Variants in B3GNT8 observed in about 807,000 individuals in gnomAD.
B3GNT8 encodes UDP-GlcNAc:betaGal beta-1,3-N-acetylglucosaminyltransferase 8.
For synonymous variants in B3GNT8, 258 were observed against 238.3 expected (o/e 1.08, Z -0.76); for missense variants, 502 against 530.5 (o/e 0.95, Z 0.53).
In B3GNT8 at chr19:41,425,662, G is replaced by T. The variant is rs1480679266; in HGVS notation, c.1117C>A (p.Leu373Met). Residue 373 changes from leucine to methionine, a missense_variant, in exon 2 of 2, where the codon CTG becomes ATG. Leu to Met is a conservative substitution (Grantham distance 15). Transcript: ENST00000691102. The stretch of plus-strand genomic sequence containing the variant: ...TGGGGGCCCAGGGGCCGTACCAGCA[G>T]CAGGTTGCGGAAAGCACAGTGGTCC... ...TADHCAFRNL[L>M]LVRPLGPQAS... 3 of 1,525,438 alleles carry T rather than the reference G, an allele frequency of 2.0e-6. No homozygotes were observed. The highest frequency in any genetic ancestry group is 2.6e-6 in the Non-Finnish European group (3 of 1,137,654). The allele number at this position is 1,525,438 out of a possible 1,614,324, so 94.5% of individuals were successfully genotyped here. A position where few individuals can be genotyped will look rare whatever the true frequency, so the allele number is the denominator to read the frequency against.
rs558152812 is a variant in B3GNT8, at chr19:41,425,626, G to A, written c.1153C>T (p.Arg385Trp). The A allele has an allele frequency of 4.1e-5, 62 of 1,515,092 alleles. No homozygotes were observed. The Middle Eastern group carries it at 5.4e-4, about 13-fold the overall frequency. The allele number at this position is 1,515,092 out of a possible 1,614,324, so 93.9% of individuals were successfully genotyped here. A position where few individuals can be genotyped will look rare whatever the true frequency, so the allele number is the denominator to read the frequency against. ...VRPLGPQASI[R>W]LWKQLQDPRL... is the part of the protein sequence containing the mutation. ...GGGTCTTGCAGTTGTTTCCAGAGCC[G>A]AATGCTGGCCTGGGGGCCCAGGGGC... Residue 385 changes from arginine (R) to tryptophan (W), a missense_variant, in exon 2 of 2, where the codon CGG (arginine) becomes TGG (tryptophan). By Grantham distance (101) the Arg-to-Trp change is moderately radical. Coordinates refer to ENST00000691102, the MANE Select transcript of B3GNT8 (RefSeq NM_001385648.2).
At position 41,426,859 on chromosome 19, in the gene B3GNT8, T is replaced by G; in HGVS notation, c.-32-49A>C. ...CACGGAGGCCATTGGGGTGTGGGGA[T>G]GGGCCTCCAGAGAGGGCCCAGCCAG... On this transcript the variant is annotated intron_variant, in intron 1 of 1. Transcript: ENST00000691102. This position sits in a 1 kb window ranked among gnomAD's most constrained non-coding sequence, Gnocchi z 4.9. 2 of 1,445,684 alleles carry G rather than the reference T, an allele frequency of 1.4e-6. No homozygotes were observed. The highest frequency in any genetic ancestry group is 1.9e-6 in the Non-Finnish European group (2 of 1,056,550). 89.6% of individuals were successfully genotyped at this position (1,445,684 alleles called of 1,614,324 possible).
chr19:41,426,911 C>T lies in B3GNT8; in HGVS notation c.-32-101G>A, dbSNP rs2039444081. ...CCCCAGGCAGACAGCTTCACAATCT[C>T]CCATAGTCCCCGCCAACCCCCATAA... On this transcript the variant is annotated intron_variant, in intron 1 of 1. Coordinates refer to ENST00000691102, the MANE Select transcript of B3GNT8 (RefSeq NM_001385648.2). This position sits in a 1 kb window ranked among gnomAD's most constrained non-coding sequence, Gnocchi z 4.9. 1.1e-6 allele frequency: 1 copy of T among 876,676 alleles called. No individual in the cohort carries two copies. The allele number at this position is 876,676 out of a possible 1,614,324, so 54.3% of individuals were successfully genotyped here. A position where few individuals can be genotyped will look rare whatever the true frequency, so the allele number is the denominator to read the frequency against.
At position 41,426,603 on chromosome 19, in the gene B3GNT8, G is replaced by T; in HGVS notation, c.176C>A (p.Ser59Tyr). The change falls in exon 2 of 2, where the codon TCC becomes TAC. Residue 59 changes from serine to tyrosine, a missense_variant. Physicochemically the swap from Ser to Tyr is moderately radical, Grantham distance 144. Transcript: ENST00000691102. This position sits in a 1 kb window ranked among gnomAD's most constrained non-coding sequence, Gnocchi z 4.9. ...CGGGATAGTCTGGCCCAGGCGGGTG[G>T]AGAGGTTGGCAGGTAGGGTGGGCTC... ...NPEPTLPANL[S>Y]TRLGQTIPLP... 6.2e-7 allele frequency: 1 copy of T among 1,611,226 alleles called. No individual in the cohort carries two copies. Among genetic ancestry groups the T allele is most frequent in the Non-Finnish European group, 8.5e-7 (1 of 1,178,780 alleles).
rs1404190585 is a variant in B3GNT8 at position 41,426,203 on chromosome 19, C to T, written c.576G>A (p.Gly192=). ...FLLGSPVGEA[G]PDLDSLVAWE... ...AGGCCACTAGTGAGTCTAGGTCAGG[C>T]CCCGCCTCACCCACCGGAGACCCTA... The change falls in exon 2 of 2, where the codon GGG becomes GGA. Residue 192 remains glycine, a synonymous_variant. Coordinates refer to ENST00000691102, the MANE Select transcript of B3GNT8 (RefSeq NM_001385648.2). This position sits in a 1 kb window ranked among gnomAD's most constrained non-coding sequence, Gnocchi z 4.9. 1.2e-6 allele frequency: 2 copies of T among 1,613,560 alleles called. No homozygotes were observed. Among genetic ancestry groups the T allele is most frequent in the African/African-American group, 1.3e-5 (1 of 74,910 alleles).
At chr19:41,428,073 C>T (rs1328563887), upstream of B3GNT8, among the ~76,000 whole-genome samples, 6 of 151,086 alleles carry the variant, frequency 4.0e-5, no homozygotes, top group Admixed American at 6.6e-5. This position sits in a 1 kb window ranked among gnomAD's most constrained non-coding sequence, Gnocchi z 6.1. Context: ...TAAGGGGTTG[C>T]GGAAGCCCTG....
At position 41,426,955 on chromosome 19, in the gene B3GNT8, G is replaced by T; in HGVS notation, c.-32-145C>A. On this transcript the variant is annotated intron_variant, in intron 1 of 1. Coordinates refer to ENST00000691102, the MANE Select transcript of B3GNT8 (RefSeq NM_001385648.2). The surrounding 1 kb of genome is among the most constrained non-coding windows in gnomAD (Gnocchi z 4.9). The stretch of plus-strand genomic sequence containing the variant: ...CCCATAACAGATTCTCTCGGTCCCA[G>T]ATCCTAAACAGCTCCCCTGACCCAG... 1.4e-6 allele frequency: 1 copy of T among 695,406 alleles called. No homozygotes were observed. The highest frequency in any genetic ancestry group is 2.4e-6 in the Non-Finnish European group (1 of 413,566). The allele number at this position is 695,406 out of a possible 1,614,324, so 43.1% of individuals were successfully genotyped here.
chr19:41,425,670 C>T lies in B3GNT8; in HGVS notation c.1109G>A (p.Arg370His), dbSNP rs768303766. 9.2e-6 allele frequency: 14 copies of T among 1,528,206 alleles called. No homozygotes were observed. Among genetic ancestry groups the T allele is most frequent in the South Asian group, 2.6e-5 (2 of 78,218 alleles). 94.7% of individuals were successfully genotyped at this position (1,528,206 alleles called of 1,614,324 possible). Reference sequence around the variant, plus strand: ...CAGGGGCCGTACCAGCAGCAGGTTGCGGAAAGCACAGTGGTCCGCAGTGCG... The same window carrying T: ...CAGGGGCCGTACCAGCAGCAGGTTGTGGAAAGCACAGTGGTCCGCAGTGCG... ...ADRTADHCAF[R>H]NLLLVRPLGP... Residue 370 changes from arginine (R) to histidine (H), a missense_variant, in exon 2 of 2, where the codon CGC becomes CAC. By Grantham distance (29) the Arg-to-His change is conservative. Coordinates refer to ENST00000691102, the MANE Select transcript of B3GNT8 (RefSeq NM_001385648.2).
upstream of B3GNT8, among the ~76,000 whole-genome samples, chr19:41,428,281 C>A (rs1401783808): frequency 1.3e-5 from 2 of 151,210 alleles, no homozygotes; most frequent in Non-Finnish European, 2.9e-5. The surrounding 1 kb of genome is among the most constrained non-coding windows in gnomAD (Gnocchi z 6.1). Context: ...CTAAGCTGAT[C>A]CCCTGTACCT....
Position 41,425,818 on chromosome 19 carries a change from G to A in B3GNT8, c.961C>T (p.Leu321=), listed in dbSNP as rs761209417. The A allele has an allele frequency of 1.2e-6, 2 of 1,612,844 alleles. No homozygotes were observed. Among genetic ancestry groups the A allele is most frequent in the African/African-American group, 2.7e-5 (2 of 74,924 alleles). Residue 321 remains leucine, a synonymous_variant, in exon 2 of 2, where the codon CTG becomes TTG. Transcript: ENST00000691102. ...VIAGRLAPWL[L]RAAARVAPFP... ...GGTGCCACACGGGCTGCCGCCCGCA[G>A]CAGCCAGGGTGCCAGGCGCCCGGCA...
Position 41,425,694 on chromosome 19 carries a change from C to T in B3GNT8, c.1085G>A (p.Arg362His), listed in dbSNP as rs200464516. ...GCGGAAAGCACAGTGGTCCGCAGTG[C>T]GGTCTGCTGGCCAGGCTGTGAGGAA... ...PGFLTAWPAD[R>H]TADHCAFRNL... Residue 362 changes from arginine (R) to histidine (H), a missense_variant, in exon 2 of 2, where the codon CGC (arginine) becomes CAC (histidine). Transcript: ENST00000691102. The T allele has an allele frequency of 5.2e-5, 81 of 1,559,436 alleles. No individual in the cohort carries two copies. The African/African-American group carries it at 9.2e-4, about 18-fold the overall frequency.
In B3GNT8 at chr19:41,425,876, G is replaced by A. The variant is rs772157532; in HGVS notation, c.903C>T (p.Tyr301=). The A allele has an allele frequency of 1.2e-6, 2 of 1,613,060 alleles. No homozygotes were observed. Among genetic ancestry groups the A allele is most frequent in the African/African-American group, 2.7e-5 (2 of 74,936 alleles). Residue 301 remains tyrosine (Y), a synonymous_variant, in exon 2 of 2, where the codon TAC becomes TAT. Coordinates refer to ENST00000691102, the MANE Select transcript of B3GNT8 (RefSeq NM_001385648.2). ...YVPESFFEGG[Y]PAYASGGGYV... ...AGCCACCCCCGCTTGCATAGGCTGG[G>A]TAGCCACCTTCGAAGAAGGACTCGG...
In B3GNT8 at chr19:41,425,940, G is replaced by A. The variant is rs778612066; in HGVS notation, c.839C>T (p.Ala280Val). 5 of 1,613,302 alleles carry A rather than the reference G, an allele frequency of 3.1e-6. No homozygotes were observed. The East Asian group carries it at 8.9e-5, about 29-fold the overall frequency. ...SLYLGEVFTQAMPLRKPGGPF... is the reference protein window; with the variant it reads ...SLYLGEVFTQVMPLRKPGGPF... Reference sequence around the variant, plus strand: ...TCCTCCTGGCTTCCGGAGAGGCATGGCCTGGGTAAAGACCTCACCCAGGTA... The same window carrying A: ...TCCTCCTGGCTTCCGGAGAGGCATGACCTGGGTAAAGACCTCACCCAGGTA... Residue 280 changes from alanine to valine, a missense_variant, in exon 2 of 2, where the codon GCC becomes GTC. Transcript: ENST00000691102.
chr19:41,426,224 C>A lies in B3GNT8; in HGVS notation c.555G>T (p.Gly185=). 1 of 1,613,652 alleles carries A rather than the reference C, an allele frequency of 6.2e-7. No homozygotes were observed. The highest frequency in any genetic ancestry group is 1.6e-4 in the Middle Eastern group (1 of 6,062). ...APGIRLLFLL[G]SPVGEAGPDL... is the part of the protein sequence containing the mutation. ...CAGGCCCCGCCTCACCCACCGGAGACCCTAGCAGGAAGAGCAGCCGGATCC... is the reference window on the plus strand; with the variant it reads ...CAGGCCCCGCCTCACCCACCGGAGAACCTAGCAGGAAGAGCAGCCGGATCC... The change falls in exon 2 of 2, where the codon GGG becomes GGT. Residue 185 remains glycine (G), a synonymous_variant. Coordinates refer to ENST00000691102, the MANE Select transcript of B3GNT8 (RefSeq NM_001385648.2). This position sits in a 1 kb window ranked among gnomAD's most constrained non-coding sequence, Gnocchi z 4.9.
chr19:41,427,275 C>A lies in B3GNT8; in HGVS notation c.-33+9G>T, dbSNP rs1159871419. 5.6e-6 allele frequency: 1 copy of A among 179,148 alleles called. No homozygotes were observed. The allele number at this position is 179,148 out of a possible 1,614,324, so 11.1% of individuals were successfully genotyped here. A position where few individuals can be genotyped will look rare whatever the true frequency, so the allele number is the denominator to read the frequency against. ...GGACTGGGGAACCAGGGATCCCATG[C>A]TTTTTTACCTCTGGGTCTGGCTCCC... On this transcript the variant is annotated intron_variant, in intron 1 of 1. Transcript: ENST00000691102. The surrounding 1 kb of genome is among the most constrained non-coding windows in gnomAD (Gnocchi z 5.6).
chr19:41,426,007 C>T lies in B3GNT8; in HGVS notation c.772G>A (p.Ala258Thr). ...DAFVHTPALL[A>T]HLRALPPASA... is the part of the protein sequence containing the mutation. ...GCAGGTGGCAGGGCCCGCAGGTGAG[C>T]CAGCAGGGCAGGGGTGTGTACAAAG... Residue 258 changes from alanine (A) to threonine (T), a missense_variant, in exon 2 of 2, where the codon GCT (alanine) becomes ACT (threonine). Physicochemically the swap from Ala to Thr is moderately conservative, Grantham distance 58. Transcript: ENST00000691102. The surrounding 1 kb of genome is among the most constrained non-coding windows in gnomAD (Gnocchi z 4.9). 1 of 1,611,944 alleles carries T rather than the reference C, an allele frequency of 6.2e-7. No homozygotes were observed. Among genetic ancestry groups the T allele is most frequent in the South Asian group, 1.1e-5 (1 of 91,044 alleles).
chr19:41,426,502 C>T lies in B3GNT8; in HGVS notation c.277G>A (p.Gly93Ser), dbSNP rs1162314747. 1.9e-6 allele frequency: 3 copies of T among 1,596,182 alleles called. No homozygotes were observed. Among genetic ancestry groups the T allele is most frequent in the Non-Finnish European group, 1.7e-6 (2 of 1,170,970 alleles). The stretch of plus-strand genomic sequence containing the variant: ...GCGGCGGCCCCCCAAGCCTGGCAGC[C>T]CCCCGTTTCAGTGCTGTCCCCACTG... ...LPSGDSTETG[G>S]CQAWGAAAAT... is the part of the protein sequence containing the mutation. Residue 93 changes from glycine (G) to serine (S), a missense_variant, in exon 2 of 2, where the codon GGC (glycine) becomes AGC (serine). Transcript: ENST00000691102. This position sits in a 1 kb window ranked among gnomAD's most constrained non-coding sequence, Gnocchi z 4.9.
rs894079058 is a variant in B3GNT8, at chr19:41,425,530, G to A, written c.*55C>T. The A allele has an allele frequency of 2.2e-6, 3 of 1,372,810 alleles. No homozygotes were observed. Among genetic ancestry groups the A allele is most frequent in the African/African-American group, 3.0e-5 (2 of 67,588 alleles). The allele number at this position is 1,372,810 out of a possible 1,614,324, so 85.0% of individuals were successfully genotyped here. ...GACCTGGAAGGAGGGGCTGAGCCAG[G>A]GGCCGGCCCCAGAGGCCCAGGCCAG... is the stretch of plus-strand genomic sequence containing the variant. On this transcript the variant is annotated 3_prime_UTR_variant, in exon 2 of 2. Transcript: ENST00000691102.
rs144748764 is a variant in B3GNT8 at position 41,426,244 on chromosome 19, G to C, written c.535C>G (p.Arg179Gly). 2 of 1,613,436 alleles carry C rather than the reference G, an allele frequency of 1.2e-6. No homozygotes were observed. Among genetic ancestry groups the C allele is most frequent in the East Asian group, 4.5e-5 (2 of 44,878 alleles). Residue 179 changes from arginine to glycine, a missense_variant, in exon 2 of 2, where the codon CGG becomes GGG. Physicochemically the swap from Arg to Gly is moderately radical, Grantham distance 125. Transcript: ENST00000691102. The surrounding 1 kb of genome is among the most constrained non-coding windows in gnomAD (Gnocchi z 4.9). ...ETWGSPAPGI[R>G]LLFLLGSPVG... is the part of the protein sequence containing the mutation. Reference sequence around the variant, plus strand: ...GGAGACCCTAGCAGGAAGAGCAGCCGGATCCCTGGAGCTGGACTGCCCCAC... The same window carrying C: ...GGAGACCCTAGCAGGAAGAGCAGCCCGATCCCTGGAGCTGGACTGCCCCAC...
Sources: allele counts gnomAD v4.1 joint callset (sites outside exome capture counted in the v4.1 genomes callset), GRCh38; gene constraint gnomAD v4.1.1; non-coding constraint Gnocchi (gnomAD v3.1); transcripts MANE v1.5; gene names NCBI Gene and HGNC (gene_info 2026-07-23, HGNC 2026-07-21).